Variants in FRY observed in about 807,000 individuals in gnomAD.
FRY encodes the protein protein furry homolog.
In FRY, 128 loss-of-function variants were observed where a neutral mutation model predicts 348.4. The ratio of observed to expected loss-of-function variants is 0.37; its 90% confidence interval spans 0.32 to 0.43. FRY has a LOEUF of 0.43. Among genes scored for constraint, FRY ranks in the 20% least tolerant of loss-of-function variants. FRY has a pLI of 1.00. For synonymous variants in FRY, 1,370 were observed against 1,374.7 expected, an observed-to-expected ratio of 1.00 and a Z score of 0.08; for missense variants, 2,736 against 3,695.2, an observed-to-expected ratio of 0.74 and a Z score of 6.73.
intron 8 of FRY, among the ~76,000 whole-genome samples, chr13:32,133,868 C>T (rs1879535315): frequency 6.7e-6 from 1 of 149,410 alleles, no homozygotes; most frequent in Admixed American, 6.8e-5. Context: ...CAACCTCTGC[C>T]TCCCAGGCAC....
intron 58 of FRY, among the ~76,000 whole-genome samples, chr13:32,281,829 A>T (rs1229836730): frequency 6.6e-6 from 1 of 152,210 alleles, no homozygotes; most frequent in Non-Finnish European, 1.5e-5. Flanking sequence ...TCGTCTGGAT[A>T]CTTGGTTACA....
At chr13:32,207,825 T>C (rs1884442156) in intron 31 of FRY, among the ~76,000 whole-genome samples, 1 of 152,228 alleles carries the variant, frequency 6.6e-6, no homozygotes, top group South Asian at 2.1e-4. Flanking sequence ...CTGTGTTCTA[T>C]TATTTAGCAG....
At chr13:32,167,667 T>C (rs532119843) in intron 17 of FRY, among the ~76,000 whole-genome samples, 105 of 152,330 alleles carry the variant, frequency 6.9e-4, no homozygotes, top group African/African-American at 2.5e-3. Context: ...GTCATTACTA[T>C]CAGTTAACAT....
Position 32,171,019 on chromosome 13 carries a change from A to C in FRY, c.1900A>C (p.Ile634Leu). ...CCTTTATTCGTTTCACAGGCTCTCT[A>C]TTCATATGGATGATGAATTGCGACA... Reference protein sequence around the residue: ...ELIDLLARLSIHMDDELRHIA... With the variant: ...ELIDLLARLSLHMDDELRHIA... The change falls in exon 18 of 61, where the codon ATT becomes CTT. Residue 634 changes from isoleucine to leucine, a missense_variant. Around this residue, in one of 9 missense-constraint regions of FRY, gnomAD observed 191 missense variants for 370.2 expected, o/e 0.52. Coordinates refer to ENST00000542859, the MANE Select transcript of FRY (RefSeq NM_023037.3). 1 of 1,606,202 alleles carries C rather than the reference A, an allele frequency of 6.2e-7. No homozygotes were observed. Among genetic ancestry groups the C allele is most frequent in the Non-Finnish European group, 8.5e-7 (1 of 1,172,818 alleles).
chr13:32,169,443 G>A (rs1290269602), intron 17 of FRY, among the ~76,000 whole-genome samples: 2 of 152,172 alleles, frequency 1.3e-5, no homozygotes, highest in Non-Finnish European at 2.9e-5. Flanking sequence ...ACAGGTTTAT[G>A]GAATGCAGTT....
At chr13:32,083,605 A>T (rs379261) in intron 2 of FRY, among the ~76,000 whole-genome samples, 2 of 151,902 alleles carry the variant, frequency 1.3e-5, no homozygotes, top group Non-Finnish European at 2.9e-5. Flanking sequence ...TGTTGCCCAG[A>T]GTTATTGCTG....
intron 1 of FRY, among the ~76,000 whole-genome samples, chr13:32,053,996 A>G (rs1406674189): frequency 6.6e-6 from 1 of 152,198 alleles, no homozygotes; most frequent in East Asian, 1.9e-4. Context: ...TCTCAAAAAA[A>G]ATTAAAAATA....
chr13:32,090,373 G>C (rs1214110628), intron 2 of FRY, among the ~76,000 whole-genome samples: 1 of 119,836 alleles, frequency 8.3e-6, no homozygotes, highest in East Asian at 3.0e-4. Context: ...AAAAAAAAAA[G>C]GAAACCACAG....
chr13:32,191,115 G>T (rs1178376464), intron 28 of FRY, among the ~76,000 whole-genome samples: 3 of 152,098 alleles, frequency 2.0e-5, no homozygotes, highest in Non-Finnish European at 4.4e-5. Context: ...CTTACTAAAG[G>T]AAAGAAAGAA....
At chr13:32,044,790 A>C (rs1242972669) in intron 1 of FRY, among the ~76,000 whole-genome samples, 1 of 152,214 alleles carries the variant, frequency 6.6e-6, no homozygotes, top group Non-Finnish European at 1.5e-5. Context: ...ACCCTGATAG[A>C]CTTGCTGCTT....
At chr13:32,183,319 A>G (rs1282923198) in intron 24 of FRY, among the ~76,000 whole-genome samples, 2 of 152,148 alleles carry the variant, frequency 1.3e-5, no homozygotes, top group Non-Finnish European at 2.9e-5. Context: ...GTTAAAATTG[A>G]ATTTTGGGTT....
At chr13:32,124,997 T>A (rs1255379171) in intron 7 of FRY, 122 bp downstream of exon 7, 4 of 765,736 alleles carry the variant, frequency 5.2e-6, no homozygotes, top group Non-Finnish European at 9.5e-6. Context: ...TTGCCATGTG[T>A]GCCCCATCTC....
At position 32,239,047 on chromosome 13, in the gene FRY, C is replaced by T. The variant is rs1886368704; in HGVS notation, c.6419-205C>T. Among the ~76,000 whole-genome samples, 1 of 152,158 alleles carries T rather than the reference C, an allele frequency of 6.6e-6. No individual in the cohort carries two copies. Among genetic ancestry groups the T allele is most frequent in the Non-Finnish European group, 1.5e-5 (1 of 68,042 alleles). ...CAAGATAATCACTGCATCTTAAAAT[C>T]GCAGATCTACTTTACTGTCTTCTTT... On this transcript the variant is annotated intron_variant, in intron 44 of 60. Transcript: ENST00000542859. This position sits in a 1 kb window ranked among gnomAD's most constrained non-coding sequence, Gnocchi z 4.3.
chr13:32,212,942 T>C (rs1884767516), intron 35 of FRY, among the ~76,000 whole-genome samples: 1 of 152,086 alleles, frequency 6.6e-6, no homozygotes, highest in Non-Finnish European at 1.5e-5. Flanking sequence ...TACTCATCAG[T>C]AGTCAAATCA....
In FRY at chr13:32,254,330, G is replaced by A. The variant is rs1464834790; in HGVS notation, c.7352G>A (p.Ser2451Asn). The A allele has an allele frequency of 1.2e-6, 2 of 1,614,120 alleles. No homozygotes were observed. The highest frequency in any genetic ancestry group is 1.7e-5 in the Admixed American group (1 of 60,014). The change falls in exon 51 of 61, where the codon AGC becomes AAC. Residue 2451 changes from serine to asparagine, a missense_variant. Coordinates refer to ENST00000542859, the MANE Select transcript of FRY (RefSeq NM_023037.3). ...CAGGAGAACATGGATGACACAAACAGCGAGCAGCAGTTTAGAGTCTTCAGA... is the reference window on the plus strand; with the variant it reads ...CAGGAGAACATGGATGACACAAACAACGAGCAGCAGTTTAGAGTCTTCAGA... ...REQENMDDTN[S>N]EQQFRVFRDF... is the part of the protein sequence containing the mutation.
chr13:32,087,470 G>A (rs559234240), intron 2 of FRY, among the ~76,000 whole-genome samples: 13 of 152,300 alleles, frequency 8.5e-5, no homozygotes, highest in African/African-American at 2.9e-4. Context: ...GGACACTGGT[G>A]GCCCACCACC....
chr13:32,045,061 A>G (rs867943237), intron 1 of FRY, among the ~76,000 whole-genome samples: 73 of 152,080 alleles, frequency 4.8e-4, no homozygotes, highest in African/African-American at 1.6e-3. Flanking sequence ...AATTTTCACT[A>G]TTTTTTCCCC....
chr13:32,184,972 C>T lies in FRY; in HGVS notation c.3147-4C>T, dbSNP rs1264178191. ...TCTAAAAGTTTCATTTTCCTTTATT[C>T]CAGCACAAATGGAGCCCTAGAGCGG... is the stretch of plus-strand genomic sequence containing the variant. On this transcript the variant is annotated splice_polypyrimidine_tract_variant and splice_region_variant and intron_variant, in intron 25 of 60. Transcript: ENST00000542859. 2 of 1,612,876 alleles carry T rather than the reference C, an allele frequency of 1.2e-6. No individual in the cohort carries two copies. Among genetic ancestry groups the T allele is most frequent in the Non-Finnish European group, 1.7e-6 (2 of 1,179,192 alleles).
Position 32,297,762 on chromosome 13 carries a change from C to T in FRY, c.*2302C>T, listed in dbSNP as rs963964337. 1 of 152,150 alleles carries T rather than the reference C, an allele frequency of 6.6e-6. No homozygotes were observed. Among genetic ancestry groups the T allele is most frequent in the African/African-American group, 2.4e-5 (1 of 41,424 alleles). 9.4% of individuals were successfully genotyped at this position (152,150 alleles called of 1,614,324 possible). On this transcript the variant is annotated 3_prime_UTR_variant, in exon 61 of 61. Coordinates refer to ENST00000542859, the MANE Select transcript of FRY (RefSeq NM_023037.3). ...AAATCTTGTCGGCTATTGCTCTGTG[C>T]CTCTGTTACAGAAGCATTAATGTTA...
Sources: allele counts gnomAD v4.1 joint callset (sites outside exome capture counted in the v4.1 genomes callset), GRCh38; gene constraint gnomAD v4.1.1; regional missense constraint gnomAD v4.1.1; non-coding constraint Gnocchi (gnomAD v3.1); transcripts MANE v1.5; gene names NCBI Gene and HGNC (gene_info 2026-07-23, HGNC 2026-07-21).